GLIS3: variants seen among roughly 807,000 people sequenced by gnomAD.
The protein encoded by GLIS3 is GLIS family zinc finger 3.
A neutral mutation model predicts 78.6 loss-of-function variants in GLIS3; 53 were observed. That is an observed-to-expected ratio of 0.67 (90% CI 0.54 to 0.85). GLIS3 has a LOEUF of 0.85. Ranked by LOEUF, GLIS3 falls within the 40% of genes least tolerant of loss-of-function variation. The pLI, the probability that GLIS3 is intolerant of heterozygous loss-of-function variation, is 0.00. For synonymous variants in GLIS3, 684 were observed against 509.9 expected (o/e 1.34, Z -4.60); for missense variants, 1,703 against 1,231.1 (o/e 1.38, Z -5.74).
chr9:4,164,738 T>C (rs1367655965), intron 2 of GLIS3, among the ~76,000 whole-genome samples: 1 of 152,144 alleles, frequency 6.6e-6, no homozygotes, highest in Non-Finnish European at 1.5e-5. Context: ...AAGCAAAAGA[T>C]ATTGTATAAA....
chr9:4,377,255 G>A, the GLIS3 span, among the ~76,000 whole-genome samples: 2 of 135,420 alleles, frequency 1.5e-5, 1 homozygote, highest in Non-Finnish European at 3.3e-5. Flanking sequence ...CAGCGCATCT[G>A]GAACAAAGCA....
chr9:4,159,223 C>A (rs145576860), intron 2 of GLIS3, among the ~76,000 whole-genome samples: 1 of 152,044 alleles, frequency 6.6e-6, no homozygotes, highest in Non-Finnish European at 1.5e-5. Flanking sequence ...TTAACAAATG[C>A]GGGTTGAATG....
Position 4,118,392 on chromosome 9 carries a change from C to T in GLIS3, c.1086G>A (p.Pro362=), listed in dbSNP as rs1295106423. The stretch of plus-strand genomic sequence containing the variant: ...CCTTCTGGCTGCCGGGCACCGGGCG[C>T]GGCTGGGGAATGCAGCTGCCGCGCA... ...LGVRGSCIPQ[P]RPVPGSQKGV... Residue 362 remains proline, a synonymous_variant, in exon 4 of 11, where the codon CCG becomes CCA. Transcript: ENST00000381971. This position sits in a 1 kb window ranked among gnomAD's most constrained non-coding sequence, Gnocchi z 4.7. 12 of 1,602,624 alleles carry T rather than the reference C, an allele frequency of 7.5e-6. No individual in the cohort carries two copies. The highest frequency in any genetic ancestry group is 3.4e-5 in the Admixed American group (2 of 59,542).
intron 4 of GLIS3, among the ~76,000 whole-genome samples, chr9:4,067,644 C>T (rs1259039343): frequency 1.3e-5 from 2 of 152,036 alleles, no homozygotes; most frequent in African/African-American, 4.8e-5. Context: ...GAAACTAGAG[C>T]AAACACTCAC....
intron 2 of GLIS3, among the ~76,000 whole-genome samples, chr9:4,253,755 T>C (rs1286031445): frequency 6.6e-6 from 1 of 152,180 alleles, no homozygotes. Context: ...CAAGGGAACA[T>C]CCCGGTCTGC....
rs915380805 is a variant in GLIS3, at chr9:4,152,784, A to C, written c.389-26843T>G. Among the ~76,000 whole-genome samples the C allele has an allele frequency of 2.2e-4, 33 of 152,360 alleles. 1 individual carries two copies. Among genetic ancestry groups the C allele is most frequent in the Admixed American group, 2.2e-3 (33 of 15,302 alleles). ...TATACCATCAATTATAAGTTTTAAAATATAATGAAAAAAAGAATTAAAAAT... is the reference window on the plus strand; with the variant it reads ...TATACCATCAATTATAAGTTTTAAACTATAATGAAAAAAAGAATTAAAAAT... On this transcript the variant is annotated intron_variant, in intron 2 of 10. Transcript: ENST00000381971.
intron 2 of GLIS3, among the ~76,000 whole-genome samples, chr9:4,156,967 G>C (rs1172580991): frequency 6.6e-6 from 1 of 152,128 alleles, no homozygotes; most frequent in Non-Finnish European, 1.5e-5. Context: ...CAGAAACCTG[G>C]GGGTAGGGTC....
chr9:3,858,415 A>T (rs962121003), intron 8 of GLIS3, among the ~76,000 whole-genome samples: 1 of 152,224 alleles, frequency 6.6e-6, no homozygotes, highest in East Asian at 1.9e-4. Flanking sequence ...CAGTATAATA[A>T]TATCATTGAA....
the GLIS3 span, among the ~76,000 whole-genome samples, chr9:4,467,922 A>G: frequency 2.0e-5 from 3 of 152,344 alleles, no homozygotes; most frequent in East Asian, 5.8e-4. Context: ...AACTAGAATA[A>G]ACAGCATAGA....
chr9:4,067,160 TA>T (rs1228914128), intron 4 of GLIS3, among the ~76,000 whole-genome samples: 1 of 125,690 alleles, frequency 8.0e-6, no homozygotes, highest in Admixed American at 8.3e-5. Flanking sequence ...AATCTTCTTT[TA>T]TTTTTTTTTA....
intron 4 of GLIS3, among the ~76,000 whole-genome samples, chr9:3,979,332 A>G (rs1819047892): frequency 6.6e-6 from 1 of 152,184 alleles, no homozygotes; most frequent in Admixed American, 6.5e-5. Context: ...GTTCTGGTCA[A>G]CCTTCAGTGG....
At position 4,118,941 on chromosome 9, in the gene GLIS3, T is replaced by C; in HGVS notation, c.597-60A>G. ...GATAAACATTTTAGCAGGATACGGA[T>C]TGCTTAAGAGCTAAAAGAACACTGC... On this transcript the variant is annotated intron_variant, in intron 3 of 10. Coordinates refer to ENST00000381971, the MANE Select transcript of GLIS3 (RefSeq NM_001042413.2). The surrounding 1 kb of genome is among the most constrained non-coding windows in gnomAD (Gnocchi z 4.7). 1 of 1,542,800 alleles carries C rather than the reference T, an allele frequency of 6.5e-7. No individual in the cohort carries two copies. Among genetic ancestry groups the C allele is most frequent in the African/African-American group, 1.4e-5 (1 of 73,678 alleles).
chr9:4,270,846 G>A (rs538167574), intron 2 of GLIS3, among the ~76,000 whole-genome samples: 7 of 151,948 alleles, frequency 4.6e-5, no homozygotes, highest in Non-Finnish European at 8.8e-5. Context: ...TACTGCATGA[G>A]CCAATTCCTC....
chr9:4,189,386 T>C (rs201204897), intron 2 of GLIS3, among the ~76,000 whole-genome samples: 1 of 152,148 alleles, frequency 6.6e-6, no homozygotes, highest in Non-Finnish European at 1.5e-5. Flanking sequence ...TGTTCTTTTA[T>C]ATGTGCTGAG....
intron 4 of GLIS3, among the ~76,000 whole-genome samples, chr9:4,102,398 C>G (rs1050586055): frequency 6.6e-6 from 1 of 152,106 alleles, no homozygotes; most frequent in Non-Finnish European, 1.5e-5. Context: ...AATAACGGCC[C>G]TGTCTCTACA....
At chr9:4,252,139 T>C (rs1220689196) in intron 2 of GLIS3, among the ~76,000 whole-genome samples, 1 of 152,194 alleles carries the variant, frequency 6.6e-6, no homozygotes, top group African/African-American at 2.4e-5. Context: ...TTCCAGAATT[T>C]GAATGTTGGC....
At chr9:4,307,196 G>A (rs56085452) in intron 4 of GLIS3, among the ~76,000 whole-genome samples, 10,335 of 152,144 alleles carry the variant, frequency 0.068, 390 homozygotes, top group African/African-American at 0.1. Context: ...AGAGGAGGAC[G>A]CAGCCTCCCT....
chr9:3,845,678 G>A (rs1051129694), intron 9 of GLIS3, among the ~76,000 whole-genome samples: 2 of 152,092 alleles, frequency 1.3e-5, no homozygotes, highest in East Asian at 1.9e-4. Context: ...CAGCATACCC[G>A]TACTTGAGCA....
the GLIS3 span, among the ~76,000 whole-genome samples, chr9:4,474,036 A>G: frequency 6.6e-6 from 1 of 152,218 alleles, no homozygotes; most frequent in Non-Finnish European, 1.5e-5. Context: ...AGCTATCTAA[A>G]AATTCAAGTC....
Sources: allele counts gnomAD v4.1 joint callset (sites outside exome capture counted in the v4.1 genomes callset), GRCh38; gene constraint gnomAD v4.1.1; non-coding constraint Gnocchi (gnomAD v3.1); transcripts MANE v1.5; gene names NCBI Gene and HGNC (gene_info 2026-07-23, HGNC 2026-07-21).